SMAP1: variants seen among roughly 807,000 people sequenced by gnomAD.
SMAP1 encodes small ArfGAP 1.
SMAP1 carries 24 observed loss-of-function variants against 58.5 expected under a neutral mutation model. That is an observed-to-expected ratio of 0.41 (90% CI 0.30 to 0.58). The LOEUF (loss-of-function observed/expected upper bound fraction) is 0.58. Ranked by LOEUF, SMAP1 falls within the 20% of genes least tolerant of loss-of-function variation. The pLI is 0.29. For synonymous variants in SMAP1, 216 were observed against 196.6 expected (o/e 1.10, Z -0.82); for missense variants, 563 against 566.3 (o/e 0.99, Z 0.06).
chr6:70,820,728 T>C (rs1769850962), intron 6 of SMAP1, among the ~76,000 whole-genome samples: 1 of 152,020 alleles, frequency 6.6e-6, no homozygotes, highest in Non-Finnish European at 1.5e-5. Context: ...AAAGAAAACT[T>C]TATTGTTCAA....
intron 3 of SMAP1, among the ~76,000 whole-genome samples, chr6:70,764,288 T>C (rs768922895): frequency 3.9e-5 from 6 of 152,122 alleles, no homozygotes; most frequent in Non-Finnish European, 5.9e-5. Flanking sequence ...ATCCAGAAGA[T>C]GTAACTAAGA....
rs2150017694 is a variant in SMAP1, at chr6:70,860,144, A to T, written c.1270-56A>T. On this transcript the variant is annotated intron_variant, in intron 10 of 10. Transcript: ENST00000370455. ...AATGACCAACTGTGTGGCTAAAGAA[A>T]CAAGAATTAAAAGTGAAGTAAGCCT... 6.6e-6 allele frequency: 10 copies of T among 1,512,554 alleles called. No individual in the cohort carries two copies. In the South Asian group the frequency reaches 1.1e-4, roughly 16 times the overall value. 93.7% of individuals were successfully genotyped at this position (1,512,554 alleles called of 1,614,324 possible). A position where few individuals can be genotyped will look rare whatever the true frequency, so the allele number is the denominator to read the frequency against.
At chr6:70,771,525 A>G (rs999073990) in intron 3 of SMAP1, among the ~76,000 whole-genome samples, 10 of 152,152 alleles carry the variant, frequency 6.6e-5, no homozygotes, top group Non-Finnish European at 1.2e-4. Context: ...AGCAATCAGC[A>G]AGACTCCGGG....
chr6:70,708,627 T>G (rs1469602004), intron 1 of SMAP1, among the ~76,000 whole-genome samples: 1 of 152,224 alleles, frequency 6.6e-6, no homozygotes, highest in Admixed American at 6.5e-5. Flanking sequence ...CTAACACTTG[T>G]TATCTCTTGT....
At chr6:70,704,648 A>T (rs1767764406) in intron 1 of SMAP1, among the ~76,000 whole-genome samples, 1 of 152,198 alleles carries the variant, frequency 6.6e-6, no homozygotes, top group Non-Finnish European at 1.5e-5. Flanking sequence ...AAACAAGGCT[A>T]ATATATTCCA....
chr6:70,817,138 A>G (rs189215878), intron 6 of SMAP1, among the ~76,000 whole-genome samples: 1 of 140,514 alleles, frequency 7.1e-6, no homozygotes, highest in African/African-American at 2.8e-5. Flanking sequence ...ATATATATAT[A>G]TTTTTTTTTT....
intron 4 of SMAP1, among the ~76,000 whole-genome samples, chr6:70,783,853 A>G (rs976039240): frequency 3.3e-5 from 5 of 152,344 alleles, no homozygotes; most frequent in Admixed American, 2.0e-4. Context: ...GACGGGGAGA[A>G]TGGAACCAAG....
chr6:70,765,035 A>T (rs1766908217), intron 3 of SMAP1, among the ~76,000 whole-genome samples: 1 of 152,200 alleles, frequency 6.6e-6, no homozygotes. Context: ...TCCTCGGCTC[A>T]AGCGATCAGC....
At chr6:70,824,861 CAG>C (rs774265107) in intron 6 of SMAP1, among the ~76,000 whole-genome samples, 9 of 152,160 alleles carry the variant, frequency 5.9e-5, no homozygotes, top group Non-Finnish European at 1.3e-4. Flanking sequence ...TTGGCTAACA[CAG>C]GGAAGTGACA....
At chr6:70,793,450 A>C (rs1375262361) in intron 5 of SMAP1, among the ~76,000 whole-genome samples, 1 of 152,118 alleles carries the variant, frequency 6.6e-6, no homozygotes, top group African/African-American at 2.4e-5. Flanking sequence ...TGAACATCTT[A>C]GTAGATGATG....
At chr6:70,751,047 C>T (rs1766256083) in intron 2 of SMAP1, among the ~76,000 whole-genome samples, 1 of 152,036 alleles carries the variant, frequency 6.6e-6, no homozygotes, top group Admixed American at 6.6e-5. Context: ...TGAGACCAGC[C>T]CGGCCAACAT....
chr6:70,839,683 A>G (rs1370634738), intron 7 of SMAP1, among the ~76,000 whole-genome samples: 1 of 152,098 alleles, frequency 6.6e-6, no homozygotes, highest in Non-Finnish European at 1.5e-5. Context: ...GGAGTGGGAG[A>G]TGGGGTTAGA....
At chr6:70,713,125 GTAATGCTTCCTCTTTCATT>G (rs1182785054) in intron 1 of SMAP1, among the ~76,000 whole-genome samples, 1 of 152,014 alleles carries the variant, frequency 6.6e-6, no homozygotes, top group Non-Finnish European at 1.5e-5. Flanking sequence ...GACATCCTTT[GTAATGCTTCCTCTTTCATT>G]TCTGATTTTT....
At chr6:70,762,065 T>A (rs1052795759) in intron 3 of SMAP1, among the ~76,000 whole-genome samples, 1 of 152,110 alleles carries the variant, frequency 6.6e-6, no homozygotes, top group Non-Finnish European at 1.5e-5. Context: ...GGAGACTATC[T>A]TCTTTGAGAA....
chr6:70,737,842 T>C (rs1199416965), intron 2 of SMAP1, among the ~76,000 whole-genome samples: 1 of 152,186 alleles, frequency 6.6e-6, no homozygotes, highest in Non-Finnish European at 1.5e-5. Context: ...TTTTATATAG[T>C]CTCTTTTTGT....
chr6:70,704,180 A>G (rs1046968658), intron 1 of SMAP1, among the ~76,000 whole-genome samples: 8 of 152,256 alleles, frequency 5.3e-5, no homozygotes, highest in African/African-American at 1.7e-4. Context: ...GAACAGTTAC[A>G]TTTAAGTTTA....
At chr6:70,847,693 T>G (rs1771043748) in intron 7 of SMAP1, among the ~76,000 whole-genome samples, 1 of 152,132 alleles carries the variant, frequency 6.6e-6, no homozygotes, top group Admixed American at 6.5e-5. Context: ...GTACTCTGGA[T>G]CTCCCATTAT....
At chr6:70,779,649 A>T (rs1051638873) in intron 4 of SMAP1, among the ~76,000 whole-genome samples, 1 of 151,990 alleles carries the variant, frequency 6.6e-6, no homozygotes, top group East Asian at 1.9e-4. Context: ...TGATGCTGCC[A>T]TTTCGAGTTT....
At chr6:70,841,592 AACTTTT>A (rs1405032233) in intron 7 of SMAP1, among the ~76,000 whole-genome samples, 2 of 152,206 alleles carry the variant, frequency 1.3e-5, no homozygotes, top group South Asian at 2.1e-4. Flanking sequence ...AAACATTCAT[AACTTTT>A]ACTTTAAATT....
Sources: allele counts gnomAD v4.1 joint callset (sites outside exome capture counted in the v4.1 genomes callset), GRCh38; gene constraint gnomAD v4.1.1; transcripts MANE v1.5; gene names NCBI Gene and HGNC (gene_info 2026-07-23, HGNC 2026-07-21).